RBM38: variants seen among roughly 807,000 people sequenced by gnomAD.
The protein encoded by RBM38 is RNA binding motif protein 38.
A neutral mutation model predicts 23.5 loss-of-function variants in RBM38; 11 were observed. That is an observed-to-expected ratio of 0.47 (90% confidence interval 0.29 to 0.77). The LOEUF (loss-of-function observed/expected upper bound fraction) is 0.77. Ranked by LOEUF, RBM38 falls within the 30% of genes least tolerant of loss-of-function variation. RBM38 has a pLI of 0.08. For missense variants in RBM38, 330 were observed against 351.9 expected, an observed-to-expected ratio of 0.94 and a Z score of 0.50; for synonymous variants, 165 against 166.1, an observed-to-expected ratio of 0.99 and a Z score of 0.05.
At chr20:57,400,987 C>T (rs140772401) in intron 3 of RBM38, among the ~76,000 whole-genome samples, 22 of 152,288 alleles carry the variant, frequency 1.4e-4, no homozygotes, top group Non-Finnish European at 2.4e-4. Flanking sequence ...GAGCAAGTGC[C>T]GTGTGCCCAA....
At chr20:57,391,879 C>G (rs1158787848) in intron 1 of RBM38, 61 bp downstream of exon 1, 15 of 1,272,218 alleles carry the variant, frequency 1.2e-5, no homozygotes, top group Admixed American at 3.5e-5. Flanking sequence ...GCCCGGGCGC[C>G]GAGTCCACTC....
rs772624606 is a variant in RBM38 at position 57,407,801 on chromosome 20, C to G, written c.675C>G (p.Phe225Leu). The change falls in exon 4 of 4, where the codon TTC (phenylalanine) becomes TTG (leucine). Residue 225 changes from phenylalanine (F) to leucine (L), a missense_variant. Phe to Leu is a conservative substitution (Grantham distance 22). Coordinates refer to ENST00000356208, the MANE Select transcript of RBM38 (RefSeq NM_017495.6). This position sits in a 1 kb window ranked among gnomAD's most constrained non-coding sequence, Gnocchi z 4.0. ...CCGCAGCACCCGCGGGCACCACTTT[C>G]GTGCAGTACCAGGCGCCGCAGCTGC... ...LSAAAPAGTT[F>L]VQYQAPQLQP... The G allele has an allele frequency of 6.3e-7, 1 of 1,597,780 alleles. No individual in the cohort carries two copies. Among genetic ancestry groups the G allele is most frequent in the Non-Finnish European group, 8.5e-7 (1 of 1,174,454 alleles).
In RBM38 at chr20:57,408,060, C is replaced by CT. The variant is rs2067406688; in HGVS notation, c.*217dup. The CT allele has an allele frequency of 1.6e-6, 1 of 622,766 alleles. No individual in the cohort carries two copies. The highest frequency in any genetic ancestry group is 2.8e-6 in the Non-Finnish European group (1 of 358,942). The allele number at this position is 622,766 out of a possible 1,614,324, so 38.6% of individuals were successfully genotyped here. Reference sequence around the variant, plus strand: ...GGTCCCATTGTGTCTTGAGGGAGGACTTTAAGAATGACTGAGAACTATTTA... The same window carrying CT: ...GGTCCCATTGTGTCTTGAGGGAGGACTTTTAAGAATGACTGAGAACTATTTA... On this transcript the variant is annotated 3_prime_UTR_variant, in exon 4 of 4. Transcript: ENST00000356208.
intron 3 of RBM38, among the ~76,000 whole-genome samples, chr20:57,394,289 A>G (rs1201541140): frequency 6.6e-6 from 1 of 150,806 alleles, no homozygotes; most frequent in Non-Finnish European, 1.5e-5. Context: ...CAGTGTGGAC[A>G]AGGATCCTGT....
At chr20:57,406,382 A>G (rs2067383476) in intron 3 of RBM38, among the ~76,000 whole-genome samples, 15 of 152,154 alleles carry the variant, frequency 9.9e-5, no homozygotes, top group Admixed American at 9.8e-4. Context: ...TGGCCTGCCC[A>G]GGTAGGGTTA....
At chr20:57,393,144 C>G in intron 2 of RBM38, 135 bp from the exon 3 acceptor site, 1 of 883,378 alleles carries the variant, frequency 1.1e-6, no homozygotes, top group Non-Finnish European at 1.9e-6. Context: ...AGGGGGAGGC[C>G]TGGGAGGGGA....
intron 3 of RBM38, among the ~76,000 whole-genome samples, chr20:57,406,358 A>G (rs751144832): frequency 2.4e-4 from 37 of 152,160 alleles, no homozygotes; most frequent in Non-Finnish European, 4.7e-4. Flanking sequence ...GTTGGCCTCA[A>G]TGCGTTTCCA....
chr20:57,392,163 C>T (rs886523557), intron 1 of RBM38: 3 of 275,876 alleles, frequency 1.1e-5, no homozygotes, highest in African/African-American at 6.9e-5. Context: ...AGCAATGGCT[C>T]CACCCCGGGG....
rs2067235523 is a variant in RBM38 at position 57,392,887 on chromosome 20, T to C, written c.361+110T>C. On this transcript the variant is annotated intron_variant, in intron 2 of 3. Transcript: ENST00000356208. ...CCTCGCCCCAGCAGTGGCAGTCGGCTATCATGTGCCTGCAGAGCCGGCACA... is the reference window on the plus strand; with the variant it reads ...CCTCGCCCCAGCAGTGGCAGTCGGCCATCATGTGCCTGCAGAGCCGGCACA... 1.8e-5 allele frequency: 26 copies of C among 1,440,582 alleles called. No individual in the cohort carries two copies. In the Admixed American group the frequency reaches 5.4e-4, roughly 30 times the overall value. The allele number at this position is 1,440,582 out of a possible 1,614,324, so 89.2% of individuals were successfully genotyped here.
At chr20:57,393,245 C>G in intron 2 of RBM38, 34 bp from the exon 3 acceptor site, 4 of 1,609,222 alleles carry the variant, frequency 2.5e-6, no homozygotes, top group Non-Finnish European at 3.4e-6. Flanking sequence ...GCTCGTGCAG[C>G]AAGGCCAAGT....
In RBM38 at chr20:57,391,834, GC is replaced by G. The variant is rs2067218708; in HGVS notation, c.237+19del. 2 of 1,520,924 alleles carry G rather than the reference GC, an allele frequency of 1.3e-6. No homozygotes were observed. Among genetic ancestry groups the G allele is most frequent in the African/African-American group, 1.4e-5 (1 of 69,234 alleles). 94.2% of individuals were successfully genotyped at this position (1,520,924 alleles called of 1,614,324 possible). On this transcript the variant is annotated intron_variant, in intron 1 of 3. Coordinates refer to ENST00000356208, the MANE Select transcript of RBM38 (RefSeq NM_017495.6). The stretch of plus-strand genomic sequence containing the variant: ...CTACGGCTTCGTAAGTGGCCCCCGC[GC>G]CCGGGCCCGCACCCCGCCGCACACC...
At chr20:57,400,092 G>A (rs893928706) in intron 3 of RBM38, 1 of 430,894 alleles carries the variant, frequency 2.3e-6, no homozygotes, top group Admixed American at 2.6e-5. Context: ...CAAGCCCTCT[G>A]TCTTGGGGGC....
rs556505774 is a variant in RBM38 at position 57,402,330 on chromosome 20, C to T, written c.417-5213C>T. Among the ~76,000 whole-genome samples, 4 of 152,230 alleles carry T rather than the reference C, an allele frequency of 2.6e-5. No individual in the cohort carries two copies. In the South Asian group the frequency reaches 6.2e-4, roughly 24 times the overall value. ...CAAGGCAGGGCCACGCCACTGCGCCCGCCTGGAGAGTCGGTGATGAAGGAG... is the reference window on the plus strand; with the variant it reads ...CAAGGCAGGGCCACGCCACTGCGCCTGCCTGGAGAGTCGGTGATGAAGGAG... On this transcript the variant is annotated intron_variant, in intron 3 of 3. Transcript: ENST00000356208.
chr20:57,401,944 A>T (rs541090802), intron 3 of RBM38, among the ~76,000 whole-genome samples: 1 of 151,920 alleles, frequency 6.6e-6, no homozygotes, highest in Non-Finnish European at 1.5e-5. Context: ...TGGGGTGTTG[A>T]TGTTTTCGTT....
intron 3 of RBM38, among the ~76,000 whole-genome samples, chr20:57,399,133 G>A (rs2067303123): frequency 6.6e-6 from 1 of 152,210 alleles, no homozygotes; most frequent in South Asian, 2.1e-4. Context: ...ACAGGAGCTG[G>A]GGAGGGGAAG....
At position 57,409,248 on chromosome 20, in the gene RBM38, G is replaced by C. The variant is rs556283954; in HGVS notation, c.*1402G>C. 2 of 152,758 alleles carry C rather than the reference G, an allele frequency of 1.3e-5. No homozygotes were observed. The highest frequency in any genetic ancestry group is 1.3e-4 in the Admixed American group (2 of 15,310). 9.5% of individuals were successfully genotyped at this position (152,758 alleles called of 1,614,324 possible). A position where few individuals can be genotyped will look rare whatever the true frequency, so the allele number is the denominator to read the frequency against. On this transcript the variant is annotated 3_prime_UTR_variant, in exon 4 of 4. Coordinates refer to ENST00000356208, the MANE Select transcript of RBM38 (RefSeq NM_017495.6). ...AGGCCTGGGACAGAGTCAAGGCTCA[G>C]AGAATAAAGGTAGCTAATCTCATCA...
chr20:57,395,377 G>A (rs1209029203), intron 3 of RBM38, among the ~76,000 whole-genome samples: 1 of 152,168 alleles, frequency 6.6e-6, no homozygotes, highest in Non-Finnish European at 1.5e-5. Context: ...TGCTGTCCTG[G>A]AGTCCTGTGA....
chr20:57,392,211 G>T (rs1001763883), intron 1 of RBM38: 86 of 336,836 alleles, frequency 2.6e-4, no homozygotes, highest in African/African-American at 1.8e-3. Flanking sequence ...ATTTTTAACA[G>T]CCCTCTCAGC....
Position 57,407,977 on chromosome 20 carries a change from C to G in RBM38, c.*131C>G. ...CACCAGCACCCGTGCCTCCGAAGAC[C>G]GCTCGGGCATTCCGCCTGCGCCCTG... On this transcript the variant is annotated 3_prime_UTR_variant, in exon 4 of 4. Transcript: ENST00000356208. The surrounding 1 kb of genome is among the most constrained non-coding windows in gnomAD (Gnocchi z 4.0). 8.7e-7 allele frequency: 1 copy of G among 1,152,266 alleles called. No individual in the cohort carries two copies. 71.4% of individuals were successfully genotyped at this position (1,152,266 alleles called of 1,614,324 possible).
Sources: gnomAD v4.1 joint callset for allele counts (sites outside exome capture counted in the v4.1 genomes callset) on GRCh38, gnomAD v4.1.1 for gene constraint, Gnocchi (gnomAD v3.1) non-coding constraint, MANE v1.5 for transcripts, NCBI Gene and HGNC (gene_info 2026-07-23, HGNC 2026-07-21) for gene names.